FOXP4: variants seen among roughly 807,000 people sequenced by gnomAD.
FOXP4 encodes the protein forkhead box P4.
A neutral mutation model predicts 82.6 loss-of-function variants in FOXP4; 25 were observed. That is an observed-to-expected ratio of 0.30 (90% CI 0.22 to 0.42). The LOEUF (loss-of-function observed/expected upper bound fraction) is 0.42, where lower values mean the gene tolerates loss of function less well. FOXP4 is among the 10% of genes least tolerant of loss of function. The pLI, the probability that FOXP4 is intolerant of heterozygous loss-of-function variation, is 1.00. For missense variants in FOXP4, 785 were observed against 900.9 expected (o/e 0.87, Z 1.65); for synonymous variants, 415 against 388.2 (o/e 1.07, Z -0.81).
In FOXP4 at chr6:41,589,810, C is replaced by T. The variant is rs776037758; in HGVS notation, c.1105C>T (p.His369Tyr). 4 of 1,611,162 alleles carry T rather than the reference C, an allele frequency of 2.5e-6. No individual in the cohort carries two copies. Among genetic ancestry groups the T allele is most frequent in the Non-Finnish European group, 3.4e-6 (4 of 1,179,942 alleles). ...CGAGCGGCTGCAGGCCATGATGGCCCACCTGCACATGCGGCCCTCGGAGCC... is the reference window on the plus strand; with the variant it reads ...CGAGCGGCTGCAGGCCATGATGGCCTACCTGCACATGCGGCCCTCGGAGCC... The part of the protein sequence containing the change: ...ESERLQAMMA[H>Y]LHMRPSEPKP... Residue 369 changes from histidine (H) to tyrosine (Y), a missense_variant, in exon 10 of 17, where the codon CAC becomes TAC. Around this residue, in one of 3 missense-constraint regions of FOXP4, gnomAD observed 570 missense variants for 634.0 expected, o/e 0.90. Transcript: ENST00000307972.
In FOXP4 at chr6:41,597,090, C is replaced by T. The variant is rs1046324196; in HGVS notation, c.1659-86C>T. On this transcript the variant is annotated intron_variant, in intron 14 of 16. Transcript: ENST00000307972. ...TAGGGAATGGGACCCATTCCCAGCACAGGCCGTTACTTAGTGAGAGTAAAG... is the reference window on the plus strand; with the variant it reads ...TAGGGAATGGGACCCATTCCCAGCATAGGCCGTTACTTAGTGAGAGTAAAG... The T allele has an allele frequency of 5.1e-5, 72 of 1,418,410 alleles. No homozygotes were observed. In the East Asian group the frequency reaches 1.6e-3, roughly 31 times the overall value. The allele number at this position is 1,418,410 out of a possible 1,614,324, so 87.9% of individuals were successfully genotyped here.
At chr6:41,575,904 G>C (rs912680763) in intron 2 of FOXP4, among the ~76,000 whole-genome samples, 1 of 151,980 alleles carries the variant, frequency 6.6e-6, no homozygotes, top group African/African-American at 2.4e-5. Context: ...TCTGACCCCT[G>C]TACCCCCTCA....
chr6:41,550,005 C>T (rs1763907687), intron 1 of FOXP4, among the ~76,000 whole-genome samples: 1 of 152,134 alleles, frequency 6.6e-6, no homozygotes, highest in South Asian at 2.1e-4. Context: ...CACAGTTTCC[C>T]TTCTCACAGA....
chr6:41,556,448 T>C (rs1764281462), intron 1 of FOXP4, among the ~76,000 whole-genome samples: 1 of 151,586 alleles, frequency 6.6e-6, no homozygotes, highest in South Asian at 2.1e-4. Context: ...CTCAGTCTCC[T>C]GAGTAGCTGG....
At chr6:41,557,541 C>T (rs1764342628) in intron 1 of FOXP4, among the ~76,000 whole-genome samples, 1 of 152,178 alleles carries the variant, frequency 6.6e-6, no homozygotes, top group East Asian at 1.9e-4. Flanking sequence ...ACATGCGGCC[C>T]ATTCAAGCAA....
At chr6:41,559,990 C>T (rs1764476665) in intron 1 of FOXP4, among the ~76,000 whole-genome samples, 1 of 152,194 alleles carries the variant, frequency 6.6e-6, no homozygotes, top group African/African-American at 2.4e-5. Context: ...TCTTCTACTC[C>T]GTGCTATTGT....
chr6:41,596,672 GAGAAGCCTTCTGTATGGAGGCTTCCATAC>G (rs970789502), intron 14 of FOXP4, among the ~76,000 whole-genome samples: 12 of 152,272 alleles, frequency 7.9e-5, no homozygotes, highest in South Asian at 2.1e-4. Context: ...TTCCCGTGCA[GAGAAGCCTTCTGTATGGAGGCTTCCATAC>G]AGAAGCCTCC....
Position 41,599,008 on chromosome 6 carries a change from T to G in FOXP4, c.*72T>G. 6.9e-7 allele frequency: 1 copy of G among 1,454,796 alleles called. No homozygotes were observed. Among genetic ancestry groups the G allele is most frequent in the East Asian group, 2.5e-5 (1 of 40,630 alleles). The allele number at this position is 1,454,796 out of a possible 1,614,324, so 90.1% of individuals were successfully genotyped here. A position where few individuals can be genotyped will look rare whatever the true frequency, so the allele number is the denominator to read the frequency against. ...GAATCCAGGCCCCATCTCCCCCAAC[T>G]CCACAGCCCCTCCCGAGCCTCAAGG... On this transcript the variant is annotated 3_prime_UTR_variant, in exon 17 of 17. Transcript: ENST00000307972.
At chr6:41,585,634 G>A (rs1444093077) in intron 5 of FOXP4, 117 bp downstream of exon 5, 1 of 915,470 alleles carries the variant, frequency 1.1e-6, no homozygotes, top group Admixed American at 2.7e-5. Flanking sequence ...AGAAAAGGCT[G>A]AGGAAGGGGA....
chr6:41,598,065 C>T (rs1766972557), intron 16 of FOXP4, 115 bp downstream of exon 16: 7 of 850,576 alleles, frequency 8.2e-6, no homozygotes, highest in East Asian at 3.0e-5. Flanking sequence ...CGCCTCTCCC[C>T]AGGACAAGTG....
chr6:41,546,658 C>G lies in FOXP4; in HGVS notation c.-226C>G, dbSNP rs2127291780. The G allele has an allele frequency of 6.8e-6, 1 of 147,694 alleles. No individual in the cohort carries two copies. The highest frequency in any genetic ancestry group is 2.0e-4 in the East Asian group (1 of 5,102). The allele number at this position is 147,694 out of a possible 1,614,324, so 9.1% of individuals were successfully genotyped here. Reference sequence around the variant, plus strand: ...AAGAGCGGAGCCGGAGCGAGCCAAGCAGCCCACAAAGTGCCATGCCCCGGC... The same window carrying G: ...AAGAGCGGAGCCGGAGCGAGCCAAGGAGCCCACAAAGTGCCATGCCCCGGC... On this transcript the variant is annotated 5_prime_UTR_variant, in exon 1 of 17. Transcript: ENST00000307972.
chr6:41,594,143 G>A (rs974398874), intron 13 of FOXP4, among the ~76,000 whole-genome samples: 3 of 152,200 alleles, frequency 2.0e-5, no homozygotes, highest in African/African-American at 7.2e-5. Flanking sequence ...CTACAAACCA[G>A]ATGACCTCAA....
chr6:41,562,150 C>T (rs1230892902), intron 1 of FOXP4, among the ~76,000 whole-genome samples: 3 of 152,144 alleles, frequency 2.0e-5, no homozygotes, highest in Non-Finnish European at 2.9e-5. Context: ...TCATCCTTGG[C>T]GGGCAGGTAT....
chr6:41,560,133 C>CTCCAAGTCACTCTAGTAGGCCAGGTGCA (rs1266082487), intron 1 of FOXP4, among the ~76,000 whole-genome samples: 2 of 152,178 alleles, frequency 1.3e-5, no homozygotes, highest in African/African-American at 4.8e-5. Context: ...AATCAACTTG[C>CTCCAAGTCACTCTAGTAGGCCAGGTGCA]TCCAAGTCAC....
At chr6:41,598,156 A>C (rs1336316896) in intron 16 of FOXP4, among the ~76,000 whole-genome samples, 839 of 49,798 alleles carry the variant, frequency 0.017, no homozygotes, top group Admixed American at 0.021. Context: ...CCACCTCCCC[A>C]CCTTCCCACC....
chr6:41,565,683 C>T, intron 1 of FOXP4, 62 bp from the exon 2 acceptor site: 3 of 1,449,312 alleles, frequency 2.1e-6, no homozygotes, highest in Non-Finnish European at 2.8e-6. Context: ...TGGGGGTCAG[C>T]AGTCACTGCC....
intron 1 of FOXP4, among the ~76,000 whole-genome samples, chr6:41,555,274 G>T (rs1461950583): frequency 3.3e-5 from 5 of 152,122 alleles, no homozygotes; most frequent in African/African-American, 1.2e-4. Context: ...ACTGATGGTT[G>T]TGGGTGATTC....
chr6:41,599,073 C>T lies in FOXP4; in HGVS notation c.*137C>T, dbSNP rs1767066771. 1.7e-5 allele frequency: 21 copies of T among 1,241,276 alleles called. No homozygotes were observed. Among genetic ancestry groups the T allele is most frequent in the African/African-American group, 3.0e-5 (2 of 65,692 alleles). The allele number at this position is 1,241,276 out of a possible 1,614,324, so 76.9% of individuals were successfully genotyped here. On this transcript the variant is annotated 3_prime_UTR_variant, in exon 17 of 17. Transcript: ENST00000307972. ...AGACCGGGGAGGCCCGGGCCAGCAGCTCCCAGTGTGACCTGACAAAAACAC... is the reference window on the plus strand; with the variant it reads ...AGACCGGGGAGGCCCGGGCCAGCAGTTCCCAGTGTGACCTGACAAAAACAC...
chr6:41,550,445 T>A (rs1477782460), intron 1 of FOXP4, among the ~76,000 whole-genome samples: 2 of 152,222 alleles, frequency 1.3e-5, no homozygotes, highest in African/African-American at 2.4e-5. Flanking sequence ...GAAGTATTAA[T>A]CTTCATTTTA....
Sources: gnomAD v4.1 joint callset for allele counts (sites outside exome capture counted in the v4.1 genomes callset) on GRCh38, gnomAD v4.1.1 for gene constraint, gnomAD v4.1.1 regional missense constraint, MANE v1.5 for transcripts, NCBI Gene and HGNC (gene_info 2026-07-23, HGNC 2026-07-21) for gene names.